BNC2: variants seen among roughly 807,000 people sequenced by gnomAD.
The protein encoded by BNC2 is zinc finger protein basonuclin-2.
In BNC2, 20 loss-of-function variants were observed where a neutral mutation model predicts 76.3. The ratio of observed to expected loss-of-function variants is 0.26; its 90% CI spans 0.18 to 0.38. The LOEUF (loss-of-function observed/expected upper bound fraction) is 0.38. Among genes scored for constraint, BNC2 ranks in the 10% least tolerant of loss-of-function variants. The pLI, the probability that BNC2 is intolerant of heterozygous loss-of-function variation, is 1.00. For missense variants in BNC2, 1,382 were observed against 1,399.8 expected (o/e 0.99, Z 0.20); for synonymous variants, 582 against 514.8 (o/e 1.13, Z -1.77).
At chr9:16,528,311 AAAC>A (rs139010009) in intron 5 of BNC2, among the ~76,000 whole-genome samples, 3,529 of 152,222 alleles carry the variant, frequency 0.023, 149 homozygotes, top group African/African-American at 0.079. Context: ...CATGGTGGGA[AAAC>A]AATAGGTATG....
chr9:16,840,305 C>T (rs928277289), intron 1 of BNC2, among the ~76,000 whole-genome samples: 1 of 152,176 alleles, frequency 6.6e-6, no homozygotes. Flanking sequence ...CAGCCACATA[C>T]GCTCCTCTCC....
intron 1 of BNC2, among the ~76,000 whole-genome samples, chr9:16,864,687 A>G (rs1443184986): frequency 6.6e-6 from 1 of 152,196 alleles, no homozygotes; most frequent in Non-Finnish European, 1.5e-5. Context: ...TGACATGCAC[A>G]GAAGAGCTGC....
At chr9:16,583,613 C>T (rs760858566) in intron 3 of BNC2, among the ~76,000 whole-genome samples, 1 of 152,120 alleles carries the variant, frequency 6.6e-6, no homozygotes, top group Non-Finnish European at 1.5e-5. Context: ...CACTCCTGTG[C>T]TCAATAAGAC....
intron 3 of BNC2, among the ~76,000 whole-genome samples, chr9:16,637,942 G>C (rs899451468): frequency 8.5e-5 from 13 of 152,216 alleles, no homozygotes; most frequent in African/African-American, 2.7e-4. Context: ...ATATTTTGGA[G>C]GGAACATGCA....
intron 1 of BNC2, 45 bp downstream of exon 1, chr9:16,870,601 G>T (rs1158921368): frequency 1.2e-6 from 2 of 1,605,736 alleles, no homozygotes; most frequent in Non-Finnish European, 1.7e-6. Flanking sequence ...GGTCATTTCT[G>T]AGGAAGTCTA....
chr9:16,820,375 G>A (rs1380315975), intron 1 of BNC2, among the ~76,000 whole-genome samples: 5 of 151,844 alleles, frequency 3.3e-5, no homozygotes, highest in South Asian at 2.1e-4. Context: ...GCAGTGAGCC[G>A]AGATCGCACC....
chr9:16,569,529 A>T (rs933677425), intron 4 of BNC2, among the ~76,000 whole-genome samples: 9 of 152,196 alleles, frequency 5.9e-5, no homozygotes, highest in African/African-American at 2.2e-4. Flanking sequence ...CGCATAATAA[A>T]GTCCTCAAAA....
At chr9:16,767,689 T>G (rs1406194080) in intron 1 of BNC2, among the ~76,000 whole-genome samples, 1 of 152,178 alleles carries the variant, frequency 6.6e-6, no homozygotes, top group African/African-American at 2.4e-5. Context: ...CAAATTTTTA[T>G]TATTGAAGTT....
intron 3 of BNC2, among the ~76,000 whole-genome samples, chr9:16,634,295 C>T (rs554400000): frequency 2.0e-5 from 3 of 152,238 alleles, no homozygotes; most frequent in African/African-American, 7.2e-5. Flanking sequence ...GCTTGCTTTA[C>T]CTTGTCCGCT....
chr9:16,858,094 A>G, intron 1 of BNC2, among the ~76,000 whole-genome samples: 1 of 152,202 alleles, frequency 6.6e-6, no homozygotes, highest in Non-Finnish European at 1.5e-5. Flanking sequence ...GAGATCATAC[A>G]ATAATTTTTA....
intron 1 of BNC2, among the ~76,000 whole-genome samples, chr9:16,831,180 T>C (rs1189416709): frequency 6.6e-6 from 1 of 152,238 alleles, no homozygotes; most frequent in Non-Finnish European, 1.5e-5. Context: ...TACTTTATTA[T>C]TATTCCAGTC....
At chr9:16,510,405 T>C (rs2131904944) in intron 5 of BNC2, among the ~76,000 whole-genome samples, 1 of 152,292 alleles carries the variant, frequency 6.6e-6, no homozygotes, top group Non-Finnish European at 1.5e-5. Flanking sequence ...CGCCCCTCTG[T>C]AATAAAATTA....
chr9:16,810,765 C>A (rs893014249), intron 1 of BNC2, among the ~76,000 whole-genome samples: 1 of 152,174 alleles, frequency 6.6e-6, no homozygotes, highest in Non-Finnish European at 1.5e-5. Flanking sequence ...AAGCCGCTAG[C>A]CAGATACCCT....
chr9:16,558,869 G>C lies in BNC2; in HGVS notation c.434-6104C>G, dbSNP rs200636001. Among the ~76,000 whole-genome samples, 10 of 151,360 alleles carry C rather than the reference G, an allele frequency of 6.6e-5. No individual in the cohort carries two copies. The East Asian group carries it at 1.9e-3, about 29-fold the overall frequency. On this transcript the variant is annotated intron_variant, in intron 4 of 6. Transcript: ENST00000380672. ...GAATCACTTGAACCCGGGAAGCAGA[G>C]GTTGCAGTGAGCTGAGATTGTGCCA...
chr9:16,719,288 G>A (rs1213054092), intron 3 of BNC2, among the ~76,000 whole-genome samples: 1 of 152,016 alleles, frequency 6.6e-6, no homozygotes, highest in Non-Finnish European at 1.5e-5. Flanking sequence ...GTCCCAAATA[G>A]CCACCCTAAT....
chr9:16,442,036 A>G (rs1370065048), intron 5 of BNC2, among the ~76,000 whole-genome samples: 1 of 152,200 alleles, frequency 6.6e-6, no homozygotes, highest in Admixed American at 6.5e-5. Context: ...CCTCCCTGCA[A>G]TTTTGTAGCT....
At chr9:16,780,667 G>T (rs1237276107) in intron 1 of BNC2, among the ~76,000 whole-genome samples, 1 of 151,986 alleles carries the variant, frequency 6.6e-6, no homozygotes, top group East Asian at 1.9e-4. Context: ...ACACTTATTG[G>T]TTATCTATGA....
At chr9:16,615,161 A>G (rs761941671) in intron 3 of BNC2, among the ~76,000 whole-genome samples, 4 of 152,126 alleles carry the variant, frequency 2.6e-5, no homozygotes. Context: ...ATAATTAACG[A>G]ATGGTGGGCA....
In BNC2 at chr9:16,451,292, G is replaced by A. The variant is rs1406511395; in HGVS notation, c.670-13768C>T. Among the ~76,000 whole-genome samples, 3 of 151,874 alleles carry A rather than the reference G, an allele frequency of 2.0e-5. No individual in the cohort carries two copies. In the East Asian group the frequency reaches 5.8e-4, roughly 29 times the overall value. On this transcript the variant is annotated intron_variant, in intron 5 of 6. Coordinates refer to ENST00000380672, the MANE Select transcript of BNC2 (RefSeq NM_017637.6). ...GGAAGGATCAATATAAATGCCAAAA[G>A]GTACCTGGGTATAAGTTAACAGATG...
Sources: allele counts gnomAD v4.1 joint callset (sites outside exome capture counted in the v4.1 genomes callset), GRCh38; gene constraint gnomAD v4.1.1; transcripts MANE v1.5; gene names NCBI Gene and HGNC (gene_info 2026-07-23, HGNC 2026-07-21).